The following SCN9A variants were observed in gnomAD, a reference collection of about 807,000 sequenced individuals.
The protein encoded by SCN9A is sodium voltage-gated channel alpha subunit 9.
Under a neutral mutation model 187.0 loss-of-function variants are expected in SCN9A, and 131 were observed. The observed-to-expected ratio is 0.70, with a 90% confidence interval of 0.61 to 0.81. SCN9A has a LOEUF of 0.81. Among genes scored for constraint, SCN9A ranks in the 30% least tolerant of loss-of-function variants. The pLI is 0.00. For missense variants in SCN9A, 2,252 were observed against 2,396.6 expected, an observed-to-expected ratio of 0.94 and a Z score of 1.26; for synonymous variants, 809 against 808.6, an observed-to-expected ratio of 1.00 and a Z score of -0.01.
At chr2:166,269,136 G>T (rs1696866811) in intron 17 of SCN9A, among the ~76,000 whole-genome samples, 1 of 151,770 alleles carries the variant, frequency 6.6e-6, no homozygotes, top group Non-Finnish European at 1.5e-5. Flanking sequence ...AAAAAAATTA[G>T]TGAAAATCAA....
intron 7 of SCN9A, chr2:166,302,625 T>G (rs1698603119): frequency 6.6e-6 from 1 of 151,120 alleles, no homozygotes; most frequent in African/African-American, 2.4e-5. Flanking sequence ...ATTATCATTA[T>G]ATATGATTAA....
Position 166,272,758 on chromosome 2 carries a change from C to T in SCN9A, c.2992G>A (p.Gly998Arg). 1 of 1,546,486 alleles carries T rather than the reference C, an allele frequency of 6.5e-7. No homozygotes were observed. Among genetic ancestry groups the T allele is most frequent in the Non-Finnish European group, 8.7e-7 (1 of 1,150,494 alleles). ...AAGGTTTGTTTCACATAATTTATTC[C>T]CTTTTTAATTCTAGTCACTGCAATC... Reference protein sequence around the residue: ...LQIAVTRIKKGINYVKQTLRE... With the variant: ...LQIAVTRIKKRINYVKQTLRE... The change falls in exon 17 of 27, where the codon GGA becomes AGA. Residue 998 changes from glycine (G) to arginine (R), a missense_variant. This residue lies in a region of SCN9A where 313 missense variants were observed against 295.3 expected (regional missense o/e 1.06). Coordinates refer to ENST00000642356, the MANE Select transcript of SCN9A (RefSeq NM_001365536.1).
At chr2:166,271,769 G>A (rs1196525183) in intron 17 of SCN9A, among the ~76,000 whole-genome samples, 1 of 151,832 alleles carries the variant, frequency 6.6e-6, no homozygotes, top group Non-Finnish European at 1.5e-5. Flanking sequence ...GAGGCAGGAG[G>A]ATCACTTGAG....
At chr2:166,264,991 T>A (rs1282184665) in intron 17 of SCN9A, among the ~76,000 whole-genome samples, 1 of 152,022 alleles carries the variant, frequency 6.6e-6, no homozygotes, top group Non-Finnish European at 1.5e-5. Context: ...GTTTGATACA[T>A]GTATACATTA....
chr2:166,288,666 A>C, intron 9 of SCN9A, 23 bp from the exon 10 acceptor site: 1 of 1,504,278 alleles, frequency 6.6e-7, no homozygotes. Flanking sequence ...GGAAATTGTC[A>C]TTTGAACAAT....
chr2:166,284,851 T>C (rs199557819), intron 11 of SCN9A, 27 bp from the exon 12 acceptor site: 23 of 1,556,832 alleles, frequency 1.5e-5, no homozygotes, highest in Non-Finnish European at 1.9e-5. Context: ...AAAAACGTGG[T>C]TGCTGAAGCA....
chr2:166,313,973 A>G (rs1018643637), intron 1 of SCN9A, among the ~76,000 whole-genome samples: 3 of 152,106 alleles, frequency 2.0e-5, no homozygotes, highest in Admixed American at 6.6e-5. Flanking sequence ...GGAAAGGGAG[A>G]GAGATAGGGA....
At chr2:166,338,681 G>A (rs1699691322) in intron 1 of SCN9A, among the ~76,000 whole-genome samples, 1 of 152,034 alleles carries the variant, frequency 6.6e-6, no homozygotes, top group Admixed American at 6.6e-5. Flanking sequence ...ATTGCATTTA[G>A]TTGTTATACC....
chr2:166,210,485 A>C (rs1438182054), intron 24 of SCN9A, among the ~76,000 whole-genome samples: 2 of 149,512 alleles, frequency 1.3e-5, no homozygotes, highest in African/African-American at 4.9e-5. Flanking sequence ...AAAAAATAAA[A>C]AATAAAATTA....
At chr2:166,276,835 G>A (rs1020237117) in intron 16 of SCN9A, 148 bp downstream of exon 16, 4 of 663,802 alleles carry the variant, frequency 6.0e-6, no homozygotes, top group East Asian at 7.6e-5. Context: ...TCTCTTTCCT[G>A]TTCTTTCTTG....
chr2:166,196,466 T>A lies in SCN9A; in HGVS notation c.*2206A>T, dbSNP rs201876998. 1 of 152,172 alleles carries A rather than the reference T, an allele frequency of 6.6e-6. No individual in the cohort carries two copies. Among genetic ancestry groups the A allele is most frequent in the Non-Finnish European group, 1.5e-5 (1 of 68,008 alleles). The allele number at this position is 152,172 out of a possible 1,614,324, so 9.4% of individuals were successfully genotyped here. On this transcript the variant is annotated 3_prime_UTR_variant, in exon 27 of 27. Coordinates refer to ENST00000642356, the MANE Select transcript of SCN9A (RefSeq NM_001365536.1). ...TAACAAACCAGTTGCCCATATTTTT[T>A]ATTTTACATAAAAACAAGGCAATGT...
At chr2:166,249,956 A>G (rs1457749607) in intron 18 of SCN9A, among the ~76,000 whole-genome samples, 2 of 152,128 alleles carry the variant, frequency 1.3e-5, no homozygotes, top group East Asian at 3.9e-4. Flanking sequence ...GGAGCAGGCC[A>G]TACATGTTGA....
At chr2:166,246,822 A>G (rs1460377428) in intron 18 of SCN9A, among the ~76,000 whole-genome samples, 1 of 152,078 alleles carries the variant, frequency 6.6e-6, no homozygotes, top group Non-Finnish European at 1.5e-5. Flanking sequence ...TAAACTTTCA[A>G]TCTGAAATGA....
chr2:166,304,307 G>C lies in SCN9A; in HGVS notation c.619C>G (p.Leu207Val), dbSNP rs1698680436. 6.2e-7 allele frequency: 1 copy of C among 1,613,034 alleles called. No individual in the cohort carries two copies. Among genetic ancestry groups the C allele is most frequent in the Non-Finnish European group, 8.5e-7 (1 of 1,179,264 alleles). ...GTTCGAAGAGCTGAAACATTGCCTA[G>C]GTTTACAAATTCTGTTAAATACCTG... ...VFAYLTEFVN[L>V]GNVSALRTFR... Residue 207 changes from leucine (L) to valine (V), a missense_variant, in exon 6 of 27, where the codon CTA becomes GTA. Leu to Val is a conservative substitution (Grantham distance 32). Transcript: ENST00000642356.
intron 20 of SCN9A, among the ~76,000 whole-genome samples, chr2:166,237,728 A>G (rs1224097695): frequency 6.6e-6 from 1 of 152,014 alleles, no homozygotes. Context: ...TCCTCTCTTT[A>G]ATCTGTGTCT....
chr2:166,293,190 T>C (rs41268675), intron 9 of SCN9A, 41 bp downstream of exon 9: 103,308 of 1,544,634 alleles, frequency 0.067, 3,865 homozygotes, highest in Middle Eastern at 0.1. Flanking sequence ...CAGGTACATA[T>C]GCCATTCAAA....
intron 1 of SCN9A, among the ~76,000 whole-genome samples, chr2:166,368,659 T>C (rs1259401376): frequency 1.6e-5 from 2 of 128,112 alleles, no homozygotes; most frequent in Non-Finnish European, 3.2e-5. Flanking sequence ...AACCTGCACA[T>C]CCTGCAAATG....
In SCN9A at chr2:166,297,196, CAAAAAAAAAAAAA is replaced by C. The variant is rs71031236; in HGVS notation, c.902-2547_902-2535del. On this transcript the variant is annotated intron_variant, in intron 7 of 26. Coordinates refer to ENST00000642356, the MANE Select transcript of SCN9A (RefSeq NM_001365536.1). Reference sequence around the variant, plus strand: ...TAGGCGACAGAGTGAGACTCCATCTCAAAAAAAAAAAAAAAAAAAAAAAAAAAAAAAGAACCAT... The same window carrying C: ...TAGGCGACAGAGTGAGACTCCATCTCAAAAAAAAAAAAAAAAAAGAACCAT... Among the ~76,000 whole-genome samples, 284 of 32,912 alleles carry C rather than the reference CAAAAAAAAAAAAA, an allele frequency of 8.6e-3. 2 individuals are homozygous for C. Among genetic ancestry groups the C allele is most frequent in the Middle Eastern group, 0.036 (1 of 28 alleles). The allele number at this position is 32,912 out of a possible 152,430, so 21.6% of individuals were successfully genotyped here. A position where few individuals can be genotyped will look rare whatever the true frequency, so the allele number is the denominator to read the frequency against.
At chr2:166,354,918 G>A (rs1015444269) in intron 1 of SCN9A, among the ~76,000 whole-genome samples, 1 of 151,890 alleles carries the variant, frequency 6.6e-6, no homozygotes, top group African/African-American at 2.4e-5. Flanking sequence ...AAAAATAAAT[G>A]AAATTAACCT....
Sources: allele counts gnomAD v4.1 joint callset (sites outside exome capture counted in the v4.1 genomes callset), GRCh38; gene constraint gnomAD v4.1.1; regional missense constraint gnomAD v4.1.1; transcripts MANE v1.5; gene names NCBI Gene and HGNC (gene_info 2026-07-23, HGNC 2026-07-21).